Variants in CDH13 observed in about 807,000 individuals in gnomAD.
CDH13 encodes cadherin-13.
In CDH13, 24 loss-of-function variants were observed where a neutral mutation model predicts 63.8. The observed-to-expected ratio is 0.38, with a 90% confidence interval of 0.27 to 0.53. The LOEUF is 0.53. Among genes scored for constraint, CDH13 ranks in the 20% least tolerant of loss-of-function variants. The pLI is 0.85. For synonymous variants in CDH13, 503 were observed against 355.3 expected, an observed-to-expected ratio of 1.42 and a Z score of -4.67; for missense variants, 1,049 against 903.1, an observed-to-expected ratio of 1.16 and a Z score of -2.07.
In CDH13 at chr16:83,067,348, A is replaced by G. The variant is rs1465077238; in HGVS notation, c.366+35130A>G. ...TACTTGTCTACTACCATGCAGAACT[A>G]TAGTAAGTCACTATATCCCTTTGAG... is the stretch of plus-strand genomic sequence containing the variant. On this transcript the variant is annotated intron_variant, in intron 3 of 13. Coordinates refer to ENST00000567109, the MANE Select transcript of CDH13 (RefSeq NM_001257.5). Among the ~76,000 whole-genome samples the G allele has an allele frequency of 2.0e-5, 3 of 152,310 alleles. No homozygotes were observed. The East Asian group carries it at 5.8e-4, about 29-fold the overall frequency.
At chr16:83,255,712 A>G (rs10514583) in intron 5 of CDH13, among the ~76,000 whole-genome samples, 14,843 of 152,206 alleles carry the variant, frequency 0.098, 1,035 homozygotes, top group Non-Finnish European at 0.14. Context: ...GCTCTTTTCA[A>G]TATTGGTAAT....
chr16:83,364,900 G>C (rs776148935), intron 6 of CDH13, among the ~76,000 whole-genome samples: 5 of 152,084 alleles, frequency 3.3e-5, no homozygotes, highest in Non-Finnish European at 4.4e-5. Flanking sequence ...CACACACTGG[G>C]GCTTTCAAGG....
At chr16:82,707,604 A>G (rs1169377798) in intron 1 of CDH13, among the ~76,000 whole-genome samples, 1 of 152,202 alleles carries the variant, frequency 6.6e-6, no homozygotes, top group Non-Finnish European at 1.5e-5. Flanking sequence ...AGGGGTGCAG[A>G]GGGTGTGTGG....
At chr16:83,304,328 C>A (rs1472416787) in intron 5 of CDH13, among the ~76,000 whole-genome samples, 1 of 152,182 alleles carries the variant, frequency 6.6e-6, no homozygotes, top group East Asian at 1.9e-4. Flanking sequence ...AGATTGGAAT[C>A]TTGGGAAAAA....
At chr16:83,405,286 A>T (rs2092025402) in intron 6 of CDH13, among the ~76,000 whole-genome samples, 2 of 152,196 alleles carry the variant, frequency 1.3e-5, no homozygotes, top group Non-Finnish European at 2.9e-5. Flanking sequence ...ATGTGCAAGT[A>T]CTAATTCCTG....
At chr16:83,652,186 C>G (rs928638600) in intron 8 of CDH13, among the ~76,000 whole-genome samples, 2 of 152,334 alleles carry the variant, frequency 1.3e-5, no homozygotes, top group East Asian at 1.9e-4. Context: ...GGTGCAAACA[C>G]AGAGAATGGA....
intron 3 of CDH13, 31 bp downstream of exon 3, chr16:83,032,249 C>G (rs376010391): frequency 7.7e-6 from 12 of 1,556,598 alleles, no homozygotes; most frequent in Non-Finnish European, 1.1e-5. Flanking sequence ...AACTTGGGTT[C>G]AAGGAGGACA....
chr16:83,011,885 C>T (rs778958188), intron 2 of CDH13, among the ~76,000 whole-genome samples: 1 of 152,174 alleles, frequency 6.6e-6, no homozygotes, highest in Admixed American at 6.5e-5. Context: ...TGGGGTTGAA[C>T]AACTGTTTCG....
intron 5 of CDH13, among the ~76,000 whole-genome samples, chr16:83,342,983 TC>T (rs999364367): frequency 2.6e-5 from 4 of 151,900 alleles, no homozygotes; most frequent in African/African-American, 9.7e-5. Flanking sequence ...TTAGCAGTAT[TC>T]TCATAATAGC....
intron 6 of CDH13, among the ~76,000 whole-genome samples, chr16:83,369,220 C>T (rs779760411): frequency 1.8e-4 from 28 of 151,404 alleles, no homozygotes; most frequent in Admixed American, 2.0e-4. Context: ...ATAATAGATG[C>T]GGGGAAAAGG....
intron 3 of CDH13, among the ~76,000 whole-genome samples, chr16:83,049,886 A>G (rs529288832): frequency 5.3e-5 from 8 of 152,326 alleles, no homozygotes; most frequent in African/African-American, 1.4e-4. Context: ...TTGCATACTT[A>G]CAAGATTTAT....
intron 7 of CDH13, among the ~76,000 whole-genome samples, chr16:83,533,390 A>C (rs993208543): frequency 2.6e-5 from 4 of 152,084 alleles, no homozygotes; most frequent in Non-Finnish European, 5.9e-5. Flanking sequence ...ACAAGATGGG[A>C]GGTGCCTCCC....
intron 1 of CDH13, among the ~76,000 whole-genome samples, chr16:82,732,052 C>A (rs565923057): frequency 1.3e-5 from 2 of 152,290 alleles, no homozygotes; most frequent in South Asian, 4.1e-4. Flanking sequence ...TTGATCCCTT[C>A]AGTACCAAAT....
intron 4 of CDH13, among the ~76,000 whole-genome samples, chr16:83,181,777 G>A: frequency 6.6e-6 from 1 of 152,154 alleles, no homozygotes; most frequent in East Asian, 1.9e-4. Context: ...GGCAAAGTGA[G>A]TGTGTGTGTG....
At position 82,903,507 on chromosome 16, in the gene CDH13, C is replaced by A. The variant is rs550785361; in HGVS notation, c.157+45034C>A. 7.2e-5 allele frequency among the ~76,000 whole-genome samples: 11 copies of A among 152,318 alleles called. No individual in the cohort carries two copies. In the South Asian group the frequency reaches 1.7e-3, roughly 23 times the overall value. On this transcript the variant is annotated intron_variant, in intron 2 of 13. Transcript: ENST00000567109. Reference sequence around the variant, plus strand: ...ACCTAGTTTTTTCCTAATTCTGGCCCTTCCTGGCCACCCACCCTGCCATTA... The same window carrying A: ...ACCTAGTTTTTTCCTAATTCTGGCCATTCCTGGCCACCCACCCTGCCATTA...
chr16:83,691,071 CGTGT>C (rs58023339), intron 10 of CDH13, among the ~76,000 whole-genome samples: 9,980 of 140,782 alleles, frequency 0.071, 346 homozygotes, highest in African/African-American at 0.078. Context: ...CCAACTGTGC[CGTGT>C]GTGTGTGTGT....
At chr16:83,749,388 C>T (rs16961669) in intron 11 of CDH13, among the ~76,000 whole-genome samples, 6,915 of 152,080 alleles carry the variant, frequency 0.045, 250 homozygotes, top group East Asian at 0.11. Flanking sequence ...CCTTGAAAGA[C>T]GGGTAGGATT....
chr16:83,786,608 G>T (rs1250657895), intron 13 of CDH13, among the ~76,000 whole-genome samples: 1 of 148,976 alleles, frequency 6.7e-6, no homozygotes, highest in Admixed American at 6.7e-5. Context: ...ATTTTTTTGA[G>T]ACAGAGTCTC....
chr16:82,697,313 A>G (rs2030419007), intron 1 of CDH13, among the ~76,000 whole-genome samples: 1 of 151,786 alleles, frequency 6.6e-6, no homozygotes, highest in African/African-American at 2.4e-5. Flanking sequence ...ATTCCCAGGT[A>G]CTGGTGATTT....
Sources: allele counts gnomAD v4.1 joint callset (sites outside exome capture counted in the v4.1 genomes callset), GRCh38; gene constraint gnomAD v4.1.1; transcripts MANE v1.5; gene names NCBI Gene and HGNC (gene_info 2026-07-23, HGNC 2026-07-21).